The following CHCHD6 variants were observed in gnomAD, a reference collection of about 807,000 sequenced individuals.
CHCHD6 encodes MICOS complex subunit MIC25.
CHCHD6 carries 28 observed loss-of-function variants against 32.3 expected under a neutral mutation model. The ratio of observed to expected loss-of-function variants is 0.87; its 90% CI spans 0.64 to 1.19. CHCHD6 has a LOEUF of 1.19. Among genes scored for constraint, CHCHD6 ranks in the 50% most tolerant of loss-of-function variants. The pLI is 0.00. For synonymous variants in CHCHD6, 122 were observed against 117.5 expected (o/e 1.04, Z -0.25); for missense variants, 333 against 307.0 (o/e 1.08, Z -0.63).
intron 4 of CHCHD6, chr3:126,767,418 T>G (rs931638860): frequency 1.8e-5 from 13 of 729,564 alleles, no homozygotes; most frequent in Non-Finnish European, 2.3e-5. Flanking sequence ...CCTACTCTCT[T>G]GGTGTCACCA....
At chr3:126,919,195 G>A (rs73209608) in intron 6 of CHCHD6, among the ~76,000 whole-genome samples, 13,996 of 151,886 alleles carry the variant, frequency 0.092, 829 homozygotes, top group Middle Eastern at 0.22. Flanking sequence ...GTTCTGTATT[G>A]TCAATTAGGT....
At chr3:126,742,275 C>T (rs1936319101) in intron 4 of CHCHD6, among the ~76,000 whole-genome samples, 1 of 152,194 alleles carries the variant, frequency 6.6e-6, no homozygotes, top group African/African-American at 2.4e-5. Flanking sequence ...TGGAGGCATG[C>T]AGCAGAAGCG....
chr3:126,733,531 C>T (rs1935908486), intron 4 of CHCHD6, among the ~76,000 whole-genome samples: 1 of 152,184 alleles, frequency 6.6e-6, no homozygotes, highest in African/African-American at 2.4e-5. Flanking sequence ...TCACAGATGT[C>T]AGGGCTGCAG....
At chr3:126,853,361 G>T (rs895712805) in intron 5 of CHCHD6, among the ~76,000 whole-genome samples, 2 of 151,836 alleles carry the variant, frequency 1.3e-5, no homozygotes, top group African/African-American at 4.8e-5. Context: ...CAAAGAAATG[G>T]CTTAAAATGT....
chr3:126,948,924 A>G (rs968900064), intron 6 of CHCHD6, among the ~76,000 whole-genome samples: 5 of 152,348 alleles, frequency 3.3e-5, no homozygotes, highest in South Asian at 4.1e-4. Context: ...CACTGGGCCC[A>G]TGAATGGGTT....
At chr3:126,865,037 CTA>C in intron 5 of CHCHD6, among the ~76,000 whole-genome samples, 1 of 150,724 alleles carries the variant, frequency 6.6e-6, no homozygotes, top group Admixed American at 6.6e-5. Flanking sequence ...TCTACTACCT[CTA>C]CTTCATCACT....
intron 4 of CHCHD6, among the ~76,000 whole-genome samples, chr3:126,753,436 C>G (rs572656948): frequency 6.6e-6 from 1 of 152,292 alleles, no homozygotes; most frequent in East Asian, 1.9e-4. Context: ...AAAGACATTC[C>G]AGGAGCATGC....
intron 6 of CHCHD6, among the ~76,000 whole-genome samples, chr3:126,945,165 G>T (rs143937096): frequency 6.6e-6 from 1 of 152,136 alleles, no homozygotes; most frequent in African/African-American, 2.4e-5. Context: ...GAGCAGGCAC[G>T]GGCGGCTCTT....
At chr3:126,724,557 A>T (rs1289805155) in intron 1 of CHCHD6, among the ~76,000 whole-genome samples, 2 of 152,082 alleles carry the variant, frequency 1.3e-5, no homozygotes, top group Admixed American at 6.6e-5. Context: ...ACTGATCAGG[A>T]TGGTGGTTGG....
rs956890333 is a variant in CHCHD6 at position 126,771,287 on chromosome 3, C to T, written c.411+38065C>T. Among the ~76,000 whole-genome samples, 3 of 151,594 alleles carry T rather than the reference C, an allele frequency of 2.0e-5. No homozygotes were observed. In the East Asian group the frequency reaches 5.8e-4, roughly 29 times the overall value. ...TGGCGCAATCTCGGCTCACTGCAAC[C>T]TCCGCCTCCCAGGTTCAGGCAATTC... On this transcript the variant is annotated intron_variant, in intron 4 of 7. Transcript: ENST00000290913.
chr3:126,908,284 C>T (rs1259834684), intron 5 of CHCHD6, among the ~76,000 whole-genome samples: 1 of 152,344 alleles, frequency 6.6e-6, no homozygotes, highest in East Asian at 1.9e-4. Flanking sequence ...TTCTCACTCC[C>T]TTCCACCTAT....
rs561190975 is a variant in CHCHD6, at chr3:126,880,600, A to T, written c.495+27870A>T. Among the ~76,000 whole-genome samples, 4 of 152,336 alleles carry T rather than the reference A, an allele frequency of 2.6e-5. 1 individual carries two copies. Among genetic ancestry groups the T allele is most frequent in the Admixed American group, 2.6e-4 (4 of 15,310 alleles). The stretch of plus-strand genomic sequence containing the variant: ...CTGAGAGGATGATTCTGAGGTATCC[A>T]GGTGATGAATAAGGATCTGAGGGAG... On this transcript the variant is annotated intron_variant, in intron 5 of 7. Coordinates refer to ENST00000290913, the MANE Select transcript of CHCHD6 (RefSeq NM_032343.3).
chr3:126,755,897 C>T (rs1936940212), intron 4 of CHCHD6, among the ~76,000 whole-genome samples: 1 of 151,530 alleles, frequency 6.6e-6, no homozygotes, highest in Admixed American at 6.6e-5. Flanking sequence ...ATGCCTGGTC[C>T]TGGATCAGGT....
chr3:126,756,484 G>T (rs1201298370), intron 4 of CHCHD6, among the ~76,000 whole-genome samples: 1 of 152,184 alleles, frequency 6.6e-6, no homozygotes, highest in Non-Finnish European at 1.5e-5. Context: ...ATGCTGTAAG[G>T]CAGGGGGGAA....
chr3:126,892,280 C>T (rs1220696484), intron 5 of CHCHD6, among the ~76,000 whole-genome samples: 3 of 152,104 alleles, frequency 2.0e-5, no homozygotes, highest in African/African-American at 4.8e-5. Flanking sequence ...TCAGTTAAGG[C>T]GCTGTGACTT....
chr3:126,909,726 G>A (rs1487691029), intron 5 of CHCHD6, among the ~76,000 whole-genome samples: 1 of 152,196 alleles, frequency 6.6e-6, no homozygotes, highest in East Asian at 1.9e-4. Context: ...AAACTAAAGA[G>A]TCCGATGGGA....
intron 4 of CHCHD6, among the ~76,000 whole-genome samples, chr3:126,843,654 T>G (rs1209501400): frequency 6.6e-6 from 1 of 152,232 alleles, no homozygotes; most frequent in East Asian, 1.9e-4. Flanking sequence ...TTTATACTTC[T>G]GAACACATCT....
At chr3:126,938,499 T>C (rs1441108423) in intron 6 of CHCHD6, among the ~76,000 whole-genome samples, 2 of 152,226 alleles carry the variant, frequency 1.3e-5, no homozygotes, top group African/African-American at 4.8e-5. Context: ...GCTGTTCTTA[T>C]TTATTATTGC....
intron 4 of CHCHD6, among the ~76,000 whole-genome samples, chr3:126,806,204 A>T (rs1184675686): frequency 6.6e-6 from 1 of 152,072 alleles, no homozygotes; most frequent in African/African-American, 2.4e-5. Flanking sequence ...GACAAATGGG[A>T]TCTAATTAAA....
Sources: allele counts gnomAD v4.1 joint callset (sites outside exome capture counted in the v4.1 genomes callset), GRCh38; gene constraint gnomAD v4.1.1; transcripts MANE v1.5; gene names NCBI Gene and HGNC (gene_info 2026-07-23, HGNC 2026-07-21).